Variants in APOBR observed in about 807,000 individuals in gnomAD.
The protein encoded by APOBR is apoB-48R.
In APOBR, 57 loss-of-function variants were observed where a neutral mutation model predicts 88.5. The ratio of observed to expected loss-of-function variants is 0.64; its 90% CI spans 0.52 to 0.80. APOBR has a LOEUF of 0.80. APOBR is among the 30% of genes least tolerant of loss of function. The pLI is 0.00. For missense variants in APOBR, 1,443 were observed against 1,401.6 expected, an observed-to-expected ratio of 1.03 and a Z score of -0.47; for synonymous variants, 588 against 572.7, an observed-to-expected ratio of 1.03 and a Z score of -0.38.
rs1446634098 is a variant in APOBR at position 28,496,995 on chromosome 16, A to G, written c.1954A>G (p.Thr652Ala). 3.8e-6 allele frequency: 6 copies of G among 1,567,250 alleles called. No individual in the cohort carries two copies. Among genetic ancestry groups the G allele is most frequent in the Non-Finnish European group, 5.2e-6 (6 of 1,156,750 alleles). The change falls in exon 2 of 4, where the codon ACT becomes GCT. Residue 652 changes from threonine (T) to alanine (A), a missense_variant. Transcript: ENST00000564831. ...ADGEQREEEE[T>A]AGGQTLAAEA... ...TGGCGAGCAGCGGGAGGAGGAGGAG[A>G]CTGCGGGAGGCCAGACCCTGGCGGC...
rs777037721 is a variant in APOBR, at chr16:28,497,764, AC to A, written c.2726del (p.Pro909LeufsTer16). On this transcript the variant is annotated frameshift_variant, in exon 2 of 4. Transcript: ENST00000564831. LOFTEE classifies it high-confidence loss of function. ...EDSEGRCGDY[H>X]PEGEAPRLLD... ...AGTGAGGGGCGGTGTGGGGACTACC[AC>A]CCTGAGGGAGAGGCACCAAGGCTCC... 2.5e-6 allele frequency: 4 copies of A among 1,602,948 alleles called. No individual in the cohort carries two copies. The African/African-American group carries it at 5.4e-5, about 21-fold the overall frequency.
At position 28,497,536 on chromosome 16, in the gene APOBR, G is replaced by A; in HGVS notation, c.2495G>A (p.Arg832Lys). Residue 832 changes from arginine (R) to lysine (K), a missense_variant, in exon 2 of 4, where the codon AGG becomes AAG. Physicochemically the swap from Arg to Lys is conservative, Grantham distance 26. Transcript: ENST00000564831. The stretch of plus-strand genomic sequence containing the variant: ...AGCCAAGTAGAGGCTTTTGAGTCCA[G>A]GGAGGGAGGACCTTGGGGAGGGCGG... Reference protein sequence around the residue: ...RGSQVEAFESREGGPWGGRVE... With the variant: ...RGSQVEAFESKEGGPWGGRVE... 6.2e-7 allele frequency: 1 copy of A among 1,610,268 alleles called. No homozygotes were observed. Among genetic ancestry groups the A allele is most frequent in the Middle Eastern group, 1.7e-4 (1 of 6,032 alleles).
chr16:28,495,888 G>T lies in APOBR; in HGVS notation c.847G>T (p.Ala283Ser). The change falls in exon 2 of 4, where the codon GCC (alanine) becomes TCC (serine). Residue 283 changes from alanine (A) to serine (S), a missense_variant. By Grantham distance (99) the Ala-to-Ser change is moderately conservative. Coordinates refer to ENST00000564831, the MANE Select transcript of APOBR (RefSeq NM_018690.4). ...CTGGGGAATCTTAGGCAGAGAGGAG[G>T]CCAGGACAACCCCAGGTAGGGAAGA... is the stretch of plus-strand genomic sequence containing the variant. ...EDWGILGREE[A>S]RTTPGREEAR... 6.2e-7 allele frequency: 1 copy of T among 1,611,664 alleles called. No homozygotes were observed. Among genetic ancestry groups the T allele is most frequent in the Non-Finnish European group, 8.5e-7 (1 of 1,178,988 alleles).
chr16:28,496,517 G>A lies in APOBR; in HGVS notation c.1476G>A (p.Glu492=). 1 of 1,579,542 alleles carries A rather than the reference G, an allele frequency of 6.3e-7. No homozygotes were observed. Among genetic ancestry groups the A allele is most frequent in the Admixed American group, 1.8e-5 (1 of 54,854 alleles). The change falls in exon 2 of 4, where the codon GAG becomes GAA. Residue 492 remains glutamate (E), a synonymous_variant. Coordinates refer to ENST00000564831, the MANE Select transcript of APOBR (RefSeq NM_018690.4). Reference sequence around the variant, plus strand: ...GGATGGAAGAGCTGGTACAGGCAGAGGAGGCCCAGGAGGAGAGAGGGAGCA... The same window carrying A: ...GGATGGAAGAGCTGGTACAGGCAGAAGAGGCCCAGGAGGAGAGAGGGAGCA... ...RARMEELVQA[E]EAQEERGSSR...
Position 28,498,214 on chromosome 16 carries a change from C to T in APOBR, c.3089C>T (p.Pro1030Leu). The T allele has an allele frequency of 6.2e-7, 1 of 1,606,964 alleles. No individual in the cohort carries two copies. The highest frequency in any genetic ancestry group is 8.5e-7 in the Non-Finnish European group (1 of 1,178,496). ...GCCTGGGAGCAGCAGGAGGAGCCCC[C>T]AGCCCCCAACCCTCCTGAGGAGGAG... ...TPAWEQQEEP[P>L]APNPPEEELS... Residue 1030 changes from proline to leucine, a missense_variant, in exon 3 of 4, where the codon CCA becomes CTA. Coordinates refer to ENST00000564831, the MANE Select transcript of APOBR (RefSeq NM_018690.4).
Position 28,496,848 on chromosome 16 carries a change from G to A in APOBR, c.1807G>A (p.Glu603Lys). 1 of 1,559,538 alleles carries A rather than the reference G, an allele frequency of 6.4e-7. No individual in the cohort carries two copies. The highest frequency in any genetic ancestry group is 8.7e-7 in the Non-Finnish European group (1 of 1,151,646). ...CAAAGAGGAGCAGGAGAGGAGCCTG[G>A]AGGCAGGTCCCAGGCACGCGGGGTC... ...LSKEEQERSL[E>K]AGPRHAGSVK... The change falls in exon 2 of 4, where the codon GAG becomes AAG. Residue 603 changes from glutamate (E) to lysine (K), a missense_variant. Physicochemically the swap from Glu to Lys is moderately conservative, Grantham distance 56. Transcript: ENST00000564831.
At position 28,498,129 on chromosome 16, in the gene APOBR, G is replaced by A. The variant is rs1297568537; in HGVS notation, c.3004G>A (p.Val1002Met). ...AGACGTCTCTGTCCCAAGGAGTCGC[G>A]TGCACCTCTCGAGAAGCTCCTCACA... ...LLDVSVPRSR[V>M]HLSRSSSQRR... Residue 1002 changes from valine (V) to methionine (M), a missense_variant, in exon 3 of 4, where the codon GTG (valine) becomes ATG (methionine). Coordinates refer to ENST00000564831, the MANE Select transcript of APOBR (RefSeq NM_018690.4). The A allele has an allele frequency of 1.7e-5, 27 of 1,595,746 alleles. No individual in the cohort carries two copies. Among genetic ancestry groups the A allele is most frequent in the South Asian group, 1.1e-4 (10 of 90,766 alleles).
In APOBR at chr16:28,496,357, C is replaced by G. The variant is rs369908216; in HGVS notation, c.1316C>G (p.Ala439Gly). Residue 439 changes from alanine to glycine, a missense_variant, in exon 2 of 4, where the codon GCT becomes GGT. By Grantham distance (60) the Ala-to-Gly change is moderately conservative (BLOSUM62 0). Transcript: ENST00000564831. The part of the protein sequence containing the change: ...QVLGTERTEE[A>G]AESQTAGREA... ...CTGGGCACTGAAAGAACAGAAGAGG[C>G]TGCTGAGAGCCAGACCGCAGGGAGG... The G allele has an allele frequency of 6.3e-7, 1 of 1,595,002 alleles. No homozygotes were observed. The highest frequency in any genetic ancestry group is 1.3e-5 in the African/African-American group (1 of 74,400).
rs61738759 is a variant in APOBR at position 28,498,188 on chromosome 16, G to A, written c.3063G>A (p.Pro1021=). 76,871 of 1,603,558 alleles carry A rather than the reference G, an allele frequency of 0.048. 2,244 individuals carry two copies. Among genetic ancestry groups the A allele is most frequent in the Non-Finnish European group, 0.057 (67,008 of 1,178,548 alleles). ...RRSRPSFRRT[P]AWEQQEEPPA... ...CCCGGCCCTCTTTTCGTCGGACTCC[G>A]GCCTGGGAGCAGCAGGAGGAGCCCC... The change falls in exon 3 of 4, where the codon CCG becomes CCA. Residue 1021 remains proline (P), a synonymous_variant. Transcript: ENST00000564831.
Position 28,496,634 on chromosome 16 carries a change from G to T in APOBR, c.1593G>T (p.Glu531Asp). The change falls in exon 2 of 4, where the codon GAG (glutamate) becomes GAT (aspartate). Residue 531 changes from glutamate (E) to aspartate (D), a missense_variant. Transcript: ENST00000564831. The part of the protein sequence containing the change: ...EATPEARPEE[E>D]LTGEESEAAQ... Reference sequence around the variant, plus strand: ...CTCCAGAGGCCAGGCCTGAGGAGGAGCTCACAGGGGAGGAGAGTGAGGCGG... The same window carrying T: ...CTCCAGAGGCCAGGCCTGAGGAGGATCTCACAGGGGAGGAGAGTGAGGCGG... The T allele has an allele frequency of 6.3e-7, 1 of 1,594,488 alleles. No individual in the cohort carries two copies. Among genetic ancestry groups the T allele is most frequent in the Admixed American group, 1.7e-5 (1 of 58,054 alleles).
In APOBR at chr16:28,495,630, G is replaced by C. The variant is rs754151122; in HGVS notation, c.589G>C (p.Glu197Gln). ...AREPGMARGA[E>Q]SEWTWHGETE... ...AGAGCCAGGGATGGCCAGAGGGGCG[G>C]AGTCAGAGTGGACCTGGCATGGGGA... The change falls in exon 2 of 4, where the codon GAG (glutamate) becomes CAG (glutamine). Residue 197 changes from glutamate to glutamine, a missense_variant. Glu to Gln is a conservative substitution (Grantham distance 29, BLOSUM62 2). Transcript: ENST00000564831. 44 of 1,556,714 alleles carry C rather than the reference G, an allele frequency of 2.8e-5. No individual in the cohort carries two copies. The highest frequency in any genetic ancestry group is 3.9e-5 in the Admixed American group (2 of 51,144).
rs750357089 is a variant in APOBR at position 28,495,144 on chromosome 16, C to A, written c.103C>A (p.Pro35Thr). 4 of 1,558,988 alleles carry A rather than the reference C, an allele frequency of 2.6e-6. No homozygotes were observed. The East Asian group carries it at 9.1e-5, about 36-fold the overall frequency. ...FVSYLLGDAV[P>T]TVEREAQAAE... ...CTCCTACCTCCTGGGAGATGCAGTC[C>A]CCACTGTAGAGCGGGAGGCGCAGGC... The change falls in exon 2 of 4, where the codon CCC (proline) becomes ACC (threonine). Residue 35 changes from proline to threonine, a missense_variant. Coordinates refer to ENST00000564831, the MANE Select transcript of APOBR (RefSeq NM_018690.4).
At position 28,495,268 on chromosome 16, in the gene APOBR, A is replaced by G; in HGVS notation, c.227A>G (p.Glu76Gly). Residue 76 changes from glutamate (E) to glycine (G), a missense_variant, in exon 2 of 4, where the codon GAG becomes GGG. By Grantham distance (98) the Glu-to-Gly change is moderately conservative. Coordinates refer to ENST00000564831, the MANE Select transcript of APOBR (RefSeq NM_018690.4). ...DLEGLRGSQNEGAGRLRGPGD... is the reference protein window; with the variant it reads ...DLEGLRGSQNGGAGRLRGPGD... Reference sequence around the variant, plus strand: ...GAGGGCCTTAGAGGCAGCCAAAACGAGGGGGCTGGAAGGCTGAGAGGGCCT... The same window carrying G: ...GAGGGCCTTAGAGGCAGCCAAAACGGGGGGGCTGGAAGGCTGAGAGGGCCT... 3.3e-6 allele frequency: 5 copies of G among 1,525,694 alleles called. No individual in the cohort carries two copies. Among genetic ancestry groups the G allele is most frequent in the Non-Finnish European group, 4.4e-6 (5 of 1,138,048 alleles). The allele number at this position is 1,525,694 out of a possible 1,614,324, so 94.5% of individuals were successfully genotyped here. A position where few individuals can be genotyped will look rare whatever the true frequency, so the allele number is the denominator to read the frequency against.
rs777287434 is a variant in APOBR at position 28,495,606 on chromosome 16, G to A, written c.565G>A (p.Glu189Lys). The A allele has an allele frequency of 6.4e-7, 1 of 1,561,152 alleles. No individual in the cohort carries two copies. Among genetic ancestry groups the A allele is most frequent in the Non-Finnish European group, 8.7e-7 (1 of 1,152,546 alleles). The part of the protein sequence containing the change: ...EEEEEEVRAR[E>K]PGMARGAESE... ...GGAGGAGGAAGAGGTCAGGGCAAGA[G>A]AGCCAGGGATGGCCAGAGGGGCGGA... Residue 189 changes from glutamate to lysine, a missense_variant, in exon 2 of 4, where the codon GAG (glutamate) becomes AAG (lysine). By Grantham distance (56) the Glu-to-Lys change is moderately conservative. Transcript: ENST00000564831.
chr16:28,497,562 G>A lies in APOBR; in HGVS notation c.2521G>A (p.Val841Ile), dbSNP rs1242871980. 3.1e-6 allele frequency: 5 copies of A among 1,605,432 alleles called. No individual in the cohort carries two copies. Among genetic ancestry groups the A allele is most frequent in the South Asian group, 1.1e-5 (1 of 89,674 alleles). Residue 841 changes from valine to isoleucine, a missense_variant, in exon 2 of 4, where the codon GTA (valine) becomes ATA (isoleucine). Coordinates refer to ENST00000564831, the MANE Select transcript of APOBR (RefSeq NM_018690.4). ...GGAGGGAGGACCTTGGGGAGGGCGGGTAGAGGCCGAGGAATCTGCAGGCGC... is the reference window on the plus strand; with the variant it reads ...GGAGGGAGGACCTTGGGGAGGGCGGATAGAGGCCGAGGAATCTGCAGGCGC... ...SREGGPWGGR[V>I]EAEESAGAED...
rs1567269206 is a variant in APOBR, at chr16:28,498,157, G to GTCGCTCCCGGCCCTCTTT, written c.3036_3053dup (p.Ser1013_Arg1018dup). ...CACCTCTCGAGAAGCTCCTCACAGC[G>GTCGCTCCCGGCCCTCTTT]TCGCTCCCGGCCCTCTTTTCGTCGG... On this transcript the variant is annotated inframe_insertion, in exon 3 of 4. Coordinates refer to ENST00000564831, the MANE Select transcript of APOBR (RefSeq NM_018690.4). The GTCGCTCCCGGCCCTCTTT allele has an allele frequency of 1.2e-6, 2 of 1,600,338 alleles. No individual in the cohort carries two copies. The highest frequency in any genetic ancestry group is 1.7e-6 in the Non-Finnish European group (2 of 1,179,088).
Position 28,497,151 on chromosome 16 carries a change from G to A in APOBR, c.2110G>A (p.Asp704Asn). ...ATCTGTCTCAGAGAACCAGGAGCTG[G>A]ACGGAAGCACAGGGGCAGACGCAGG... ...EASVSENQEL[D>N]GSTGADAGPC... Residue 704 changes from aspartate (D) to asparagine (N), a missense_variant, in exon 2 of 4, where the codon GAC becomes AAC. Coordinates refer to ENST00000564831, the MANE Select transcript of APOBR (RefSeq NM_018690.4). 1 of 1,606,374 alleles carries A rather than the reference G, an allele frequency of 6.2e-7. No individual in the cohort carries two copies. The highest frequency in any genetic ancestry group is 1.1e-5 in the South Asian group (1 of 89,544).
Position 28,497,204 on chromosome 16 carries a change from T to C in APOBR, c.2163T>C (p.Tyr721=), listed in dbSNP as rs2046400362. 1 of 1,596,734 alleles carries C rather than the reference T, an allele frequency of 6.3e-7. No individual in the cohort carries two copies. The highest frequency in any genetic ancestry group is 1.3e-5 in the African/African-American group (1 of 74,758). ...CTTGCCCGTCACTGGGAGAGGCCTATGCCAGAGAAACTGAGGATGAGGAGG... is the reference window on the plus strand; with the variant it reads ...CTTGCCCGTCACTGGGAGAGGCCTACGCCAGAGAAACTGAGGATGAGGAGG... ...AGPCPSLGEA[Y]ARETEDEEAE... is the part of the protein sequence containing the mutation. The change falls in exon 2 of 4, where the codon TAT becomes TAC. Residue 721 remains tyrosine (Y), a synonymous_variant. Transcript: ENST00000564831.
Position 28,498,864 on chromosome 16 carries a change from C to T in APOBR, c.*359C>T. The T allele has an allele frequency of 1.7e-6, 1 of 574,978 alleles. No individual in the cohort carries two copies. The allele number at this position is 574,978 out of a possible 1,614,324, so 35.6% of individuals were successfully genotyped here. A position where few individuals can be genotyped will look rare whatever the true frequency, so the allele number is the denominator to read the frequency against. ...TTGGGAGGCCAAGGTGGGAGGATCG[C>T]TTGAGACCAGGAGTTCGAGACCAGC... On this transcript the variant is annotated 3_prime_UTR_variant, in exon 4 of 4. Transcript: ENST00000564831.
Sources: allele counts gnomAD v4.1 joint callset, GRCh38; gene constraint gnomAD v4.1.1; transcripts MANE v1.5; gene names NCBI Gene and HGNC (gene_info 2026-07-23, HGNC 2026-07-21).